Variants in ESR1 observed in about 807,000 individuals in gnomAD.
The protein encoded by ESR1 is estrogen receptor.
In ESR1, 12 loss-of-function variants were observed where a neutral mutation model predicts 52.7. The observed-to-expected ratio is 0.23, with a 90% confidence interval of 0.15 to 0.37. The LOEUF is 0.37. Ranked by LOEUF, ESR1 falls within the 10% of genes least tolerant of loss-of-function variation. ESR1 has a pLI of 1.00. For missense variants in ESR1, 584 were observed against 779.7 expected, an observed-to-expected ratio of 0.75 and a Z score of 2.99; for synonymous variants, 305 against 316.8, an observed-to-expected ratio of 0.96 and a Z score of 0.39.
chr6:151,821,549 G>T (rs1002407495), intron 1 of ESR1, among the ~76,000 whole-genome samples: 1 of 152,046 alleles, frequency 6.6e-6, no homozygotes, highest in Non-Finnish European at 1.5e-5. Flanking sequence ...GGGCTTAAAG[G>T]TTAGGAGTGA....
chr6:152,103,648 A>G (rs1412083924), downstream of ESR1, among the ~76,000 whole-genome samples: 5 of 152,306 alleles, frequency 3.3e-5, no homozygotes, highest in South Asian at 1.0e-3. Context: ...GCCTGGCCCA[A>G]ATCCTTCCCT....
At chr6:151,955,618 G>A (rs1373368701) in intron 4 of ESR1, among the ~76,000 whole-genome samples, 1 of 151,068 alleles carries the variant, frequency 6.6e-6, no homozygotes, top group East Asian at 1.9e-4. Context: ...ATAGAAATAG[G>A]TGATACTTGC....
At chr6:151,784,571 G>C (rs1268443322) in intron 2 of ESR1, among the ~76,000 whole-genome samples, 1 of 152,180 alleles carries the variant, frequency 6.6e-6, no homozygotes, top group African/African-American at 2.4e-5. Flanking sequence ...GCTAAGATCA[G>C]AGAAAAAGTC....
chr6:151,980,901 A>C (rs1584622543), intron 4 of ESR1, among the ~76,000 whole-genome samples: 1 of 152,186 alleles, frequency 6.6e-6, no homozygotes, highest in South Asian at 2.1e-4. Flanking sequence ...ACAGGGTTTC[A>C]GCATATTGGC....
At chr6:151,762,375 T>C (rs1185245964) in intron 2 of ESR1, among the ~76,000 whole-genome samples, 1 of 152,192 alleles carries the variant, frequency 6.6e-6, no homozygotes, top group East Asian at 1.9e-4. Context: ...TTGCAAGTTA[T>C]TTTTTATAAA....
chr6:151,833,658 G>T (rs1000141612), intron 1 of ESR1, among the ~76,000 whole-genome samples: 1 of 152,148 alleles, frequency 6.6e-6, no homozygotes, highest in Non-Finnish European at 1.5e-5. Context: ...GGCAAGTGAG[G>T]TCACCACAGT....
At chr6:151,757,387 G>A (rs2128089630) in intron 2 of ESR1, among the ~76,000 whole-genome samples, 1 of 152,262 alleles carries the variant, frequency 6.6e-6, no homozygotes, top group South Asian at 2.1e-4. Flanking sequence ...CTATAAAGAG[G>A]CTTTTAAGGA....
At chr6:152,038,239 C>T (rs1562708400) in intron 5 of ESR1, among the ~76,000 whole-genome samples, 2 of 152,220 alleles carry the variant, frequency 1.3e-5, no homozygotes, top group Non-Finnish European at 2.9e-5. Context: ...AGTCCTTCCA[C>T]GTTCCTCTGC....
chr6:151,888,993 A>G (rs906725977), intron 3 of ESR1, among the ~76,000 whole-genome samples: 1 of 152,182 alleles, frequency 6.6e-6, no homozygotes, highest in African/African-American at 2.4e-5. Context: ...ATGTTGAACC[A>G]TCGTTGCATC....
intron 3 of ESR1, among the ~76,000 whole-genome samples, chr6:151,890,089 C>CT (rs769048933): frequency 1.8e-3 from 250 of 140,738 alleles, no homozygotes; most frequent in Admixed American, 2.4e-3. Flanking sequence ...TGTTTTTTTT[C>CT]TTTTTTTTTT....
rs1014525234 is a variant in ESR1, at chr6:151,932,022, C to T, written c.761-12151C>T. The stretch of plus-strand genomic sequence containing the variant: ...TTCTAGTTCTAGATCCCTGAGGAAT[C>T]GCCACACTGACTTCCACAATGGTTG... On this transcript the variant is annotated intron_variant, in intron 3 of 7. Coordinates refer to ENST00000206249, the MANE Select transcript of ESR1 (RefSeq NM_000125.4). Among the ~76,000 whole-genome samples, 51 of 149,436 alleles carry T rather than the reference C, an allele frequency of 3.4e-4. No homozygotes were observed. The South Asian group carries it at 7.7e-3, about 23-fold the overall frequency.
At chr6:152,018,410 T>C (rs927840056) in intron 5 of ESR1, among the ~76,000 whole-genome samples, 1 of 151,118 alleles carries the variant, frequency 6.6e-6, no homozygotes, top group African/African-American at 2.5e-5. Context: ...GCAGATTTTT[T>C]ACTTGGAAGA....
At chr6:151,831,196 G>A (rs911520866) in intron 1 of ESR1, among the ~76,000 whole-genome samples, 1 of 150,040 alleles carries the variant, frequency 6.7e-6, no homozygotes, top group Non-Finnish European at 1.5e-5. Context: ...ATGCTGGAGT[G>A]CAGTGGCACA....
At chr6:151,713,358 G>T (rs1780771507) in intron 2 of ESR1, among the ~76,000 whole-genome samples, 1 of 152,192 alleles carries the variant, frequency 6.6e-6, no homozygotes, top group Non-Finnish European at 1.5e-5. Context: ...CTCATAAAAT[G>T]AGTTAGGGAG....
chr6:152,120,413 C>G (rs1295640010), intron 6 of ESR1, among the ~76,000 whole-genome samples: 1 of 152,160 alleles, frequency 6.6e-6, no homozygotes, highest in Non-Finnish European at 1.5e-5. Context: ...ACTTTAACCA[C>G]GAGGTGGTCT....
At chr6:151,881,062 G>A (rs1395657213) in intron 3 of ESR1, among the ~76,000 whole-genome samples, 2 of 152,206 alleles carry the variant, frequency 1.3e-5, no homozygotes. Flanking sequence ...GGAAGGAAAC[G>A]AAGAGTGCTT....
At chr6:151,972,644 G>T (rs2039026907) in intron 4 of ESR1, among the ~76,000 whole-genome samples, 1 of 152,176 alleles carries the variant, frequency 6.6e-6, no homozygotes, top group Non-Finnish European at 1.5e-5. Flanking sequence ...GGTCTTCATG[G>T]AAAAGTAGAT....
chr6:152,049,578 T>C (rs1374090546), intron 5 of ESR1, among the ~76,000 whole-genome samples: 2 of 152,158 alleles, frequency 1.3e-5, no homozygotes, highest in Non-Finnish European at 2.9e-5. Flanking sequence ...ATGGAGAGGG[T>C]CTGAGTTCTT....
At chr6:151,925,040 C>T (rs560939428) in intron 3 of ESR1, among the ~76,000 whole-genome samples, 5 of 152,220 alleles carry the variant, frequency 3.3e-5, no homozygotes, top group Non-Finnish European at 5.9e-5. Flanking sequence ...TTCCACACTG[C>T]TTTCCACAAT....
Sources: allele counts gnomAD v4.1 joint callset (sites outside exome capture counted in the v4.1 genomes callset), GRCh38; gene constraint gnomAD v4.1.1; transcripts MANE v1.5; gene names NCBI Gene and HGNC (gene_info 2026-07-23, HGNC 2026-07-21).